The following LRCH3 variants were observed in gnomAD, a reference collection of about 807,000 sequenced individuals.
LRCH3 encodes the protein leucine rich repeats and calponin homology domain containing 3, also known as DISP complex protein LRCH3.
In LRCH3, 68 loss-of-function variants were observed where a neutral mutation model predicts 104.5. That is an observed-to-expected ratio of 0.65 (90% CI 0.54 to 0.80). The LOEUF is 0.80. Ranked by LOEUF, LRCH3 falls within the 30% of genes least tolerant of loss-of-function variation. LRCH3 has a pLI of 0.00. For synonymous variants in LRCH3, 344 were observed against 361.3 expected (o/e 0.95, Z 0.54); for missense variants, 951 against 953.9 (o/e 1.00, Z 0.04).
At chr3:197,793,802 G>A (rs139128921) in intron 1 of LRCH3, among the ~76,000 whole-genome samples, 90 of 152,088 alleles carry the variant, frequency 5.9e-4, no homozygotes, top group African/African-American at 2.1e-3. Flanking sequence ...AGATTACAAG[G>A]TATTTTATAA....
In LRCH3 at chr3:197,856,907, G is replaced by A. The variant is rs757993615; in HGVS notation, c.1645-1927G>A. Among the ~76,000 whole-genome samples the A allele has an allele frequency of 7.2e-5, 11 of 152,300 alleles. No homozygotes were observed. The highest frequency in any genetic ancestry group is 1.9e-4 in the East Asian group (1 of 5,192). ...TTTGTGATGAAAAGGTCTGATGAAC[G>A]ATATCATAAGGTAAATGCTGAATTT... On this transcript the variant is annotated intron_variant, in intron 14 of 20. Transcript: ENST00000425562. This position sits in a 1 kb window ranked among gnomAD's most constrained non-coding sequence, Gnocchi z 4.2.
At chr3:197,809,754 G>A (rs1299771671) in intron 1 of LRCH3, among the ~76,000 whole-genome samples, 11 of 151,824 alleles carry the variant, frequency 7.2e-5, no homozygotes, top group Admixed American at 1.3e-4. Flanking sequence ...CTTCTTTCTT[G>A]AGACCTTCTG....
At chr3:197,839,271 G>T in intron 9 of LRCH3, 50 bp from the exon 10 acceptor site, 1 of 1,186,562 alleles carries the variant, frequency 8.4e-7, no homozygotes, top group Non-Finnish European at 1.2e-6. Context: ...TGTAATCGCA[G>T]TGTTCTGGAT....
chr3:197,847,380 TTTTC>T, intron 10 of LRCH3, 25 bp from the exon 11 acceptor site: 1 of 1,563,812 alleles, frequency 6.4e-7, no homozygotes, highest in Non-Finnish European at 8.6e-7. Context: ...CAAAGAGTTT[TTTTC>T]TTTCTTTTTT....
At chr3:197,820,678 G>A (rs1042189416) in intron 4 of LRCH3, among the ~76,000 whole-genome samples, 2 of 152,130 alleles carry the variant, frequency 1.3e-5, no homozygotes, top group East Asian at 1.9e-4. Flanking sequence ...GGGGGCTGGC[G>A]CACTCTTGTA....
chr3:197,793,688 T>G (rs1216386211), intron 1 of LRCH3, among the ~76,000 whole-genome samples: 1 of 152,130 alleles, frequency 6.6e-6, no homozygotes, highest in Non-Finnish European at 1.5e-5. Context: ...GTGCTCTGAG[T>G]TTTTAAGTAT....
chr3:197,822,180 C>T (rs946902616), intron 4 of LRCH3, among the ~76,000 whole-genome samples: 1 of 152,214 alleles, frequency 6.6e-6, no homozygotes, highest in Non-Finnish European at 1.5e-5. Context: ...TCTTTCCTCT[C>T]ACTTGGCTTG....
intron 3 of LRCH3, among the ~76,000 whole-genome samples, chr3:197,818,086 G>T (rs1039634351): frequency 2.6e-4 from 39 of 152,278 alleles, no homozygotes; most frequent in African/African-American, 9.4e-4. Flanking sequence ...CTCCCAAAGT[G>T]CTGGGATTAC....
At chr3:197,829,747 C>A in intron 6 of LRCH3, 74 bp downstream of exon 6, 2 of 1,042,524 alleles carry the variant, frequency 1.9e-6, no homozygotes, top group South Asian at 1.5e-5. Context: ...CTTAAATTTG[C>A]CTGAATGTTT....
At chr3:197,792,442 G>GT (rs1413770672) in intron 1 of LRCH3, among the ~76,000 whole-genome samples, 1 of 149,440 alleles carries the variant, frequency 6.7e-6, no homozygotes, top group East Asian at 2.0e-4. Context: ...TGGTGCCCGA[G>GT]TTGTTCATCA....
At position 197,850,575 on chromosome 3, in the gene LRCH3, C is replaced by T. The variant is rs115153164; in HGVS notation, c.1531-1986C>T. On this transcript the variant is annotated intron_variant, in intron 12 of 20. Transcript: ENST00000425562. ...CCGACCATGAGCTCTGTAGGTCCGG[C>T]GGCACATCTCAGGTGCTTTGTTCAC... The T allele has an allele frequency of 9.7e-4, 1,534 of 1,585,844 alleles. 13 individuals carry two copies. In the African/African-American group the frequency reaches 0.018, roughly 18 times the overall value.
chr3:197,817,342 GTGTC>G, intron 3 of LRCH3, 40 bp downstream of exon 3: 2 of 307,900 alleles, frequency 6.5e-6, no homozygotes, highest in Non-Finnish European at 9.0e-6. Context: ...GTGTGTGTGT[GTGTC>G]TGTGTGTGTG....
chr3:197,843,168 G>A (rs1277166740), intron 10 of LRCH3, among the ~76,000 whole-genome samples: 1 of 152,040 alleles, frequency 6.6e-6, no homozygotes, highest in African/African-American at 2.4e-5. Context: ...ACCAGACTAG[G>A]TTCTGTAAAG....
intron 7 of LRCH3, among the ~76,000 whole-genome samples, chr3:197,831,481 A>G (rs1241819380): frequency 3.3e-5 from 5 of 152,248 alleles, no homozygotes; most frequent in African/African-American, 1.2e-4. Flanking sequence ...ACATTGTTTT[A>G]CTGTGAATTG....
At chr3:197,880,063 A>G (rs1300906689) in intron 20 of LRCH3, among the ~76,000 whole-genome samples, 7 of 149,702 alleles carry the variant, frequency 4.7e-5, no homozygotes, top group African/African-American at 1.7e-4. Flanking sequence ...CTCCTGCCTC[A>G]GCCTCCCGAG....
At chr3:197,846,396 A>C (rs1162429666) in intron 10 of LRCH3, among the ~76,000 whole-genome samples, 13 of 149,698 alleles carry the variant, frequency 8.7e-5, no homozygotes, top group Non-Finnish European at 1.6e-4. Context: ...AAAAAAAAAA[A>C]AAAACAAAAA....
At chr3:197,866,280 G>C in intron 17 of LRCH3, 61 bp downstream of exon 17, 14 of 1,145,326 alleles carry the variant, frequency 1.2e-5, no homozygotes, top group Non-Finnish European at 1.9e-5. Context: ...GACGCTAGCT[G>C]TTAGATGGAT....
chr3:197,835,849 T>C, intron 9 of LRCH3, 27 bp downstream of exon 9: 1 of 1,608,524 alleles, frequency 6.2e-7, no homozygotes, highest in Non-Finnish European at 8.5e-7. Flanking sequence ...AGCCTAAATA[T>C]GTTGCTATCC....
At chr3:197,815,138 A>G (rs1254317829) in intron 2 of LRCH3, 86 bp downstream of exon 2, 7 of 765,250 alleles carry the variant, frequency 9.1e-6, no homozygotes, top group Non-Finnish European at 1.4e-5. Flanking sequence ...TTACCTATAT[A>G]TATGCTATCT....
Sources: gnomAD v4.1 joint callset for allele counts (sites outside exome capture counted in the v4.1 genomes callset) on GRCh38, gnomAD v4.1.1 for gene constraint, Gnocchi (gnomAD v3.1) non-coding constraint, MANE v1.5 for transcripts, NCBI Gene and HGNC (gene_info 2026-07-23, HGNC 2026-07-21) for gene names.